The following NCAN variants were observed in gnomAD, a reference collection of about 807,000 sequenced individuals.
NCAN encodes the protein neurocan core protein.
NCAN carries 47 observed loss-of-function variants against 121.8 expected under a neutral mutation model. The ratio of observed to expected loss-of-function variants is 0.39; its 90% CI spans 0.31 to 0.49. NCAN has a LOEUF of 0.49. NCAN is among the 20% of genes least tolerant of loss of function. The pLI, the probability that NCAN is intolerant of heterozygous loss-of-function variation, is 0.92. For synonymous variants in NCAN, 633 were observed against 702.0 expected (o/e 0.90, Z 1.55); for missense variants, 1,517 against 1,773.4 (o/e 0.86, Z 2.60).
chr19:19,215,169 G>A (rs1216431763), intron 1 of NCAN, among the ~76,000 whole-genome samples: 2 of 152,216 alleles, frequency 1.3e-5, no homozygotes, highest in African/African-American at 4.8e-5. Context: ...CCCAGCAGGG[G>A]ACTCTGGGAG....
intron 10 of NCAN, among the ~76,000 whole-genome samples, chr19:19,237,221 T>TA (rs909699518): frequency 4.0e-5 from 6 of 151,472 alleles, no homozygotes; most frequent in South Asian, 2.1e-4. Flanking sequence ...CTTTTCCTTT[T>TA]AAAAAAAAAT....
chr19:19,247,749 T>C (rs1477771440), intron 13 of NCAN, among the ~76,000 whole-genome samples: 1 of 152,148 alleles, frequency 6.6e-6, no homozygotes, highest in Non-Finnish European at 1.5e-5. Flanking sequence ...TTGTGCCCTA[T>C]GTTTGGTGTA....
chr19:19,228,608 A>G lies in NCAN; in HGVS notation c.2988A>G (p.Pro996=), dbSNP rs576988148. 13 of 1,612,266 alleles carry G rather than the reference A, an allele frequency of 8.1e-6. No homozygotes were observed. In the South Asian group the frequency reaches 1.3e-4, roughly 16 times the overall value. Reference sequence around the variant, plus strand: ...CAAGTGGAGAGGAGCCAGCCCTGCCAGGGACCCCTATGAATGCAGGTGCGG... The same window carrying G: ...CAAGTGGAGAGGAGCCAGCCCTGCCGGGGACCCCTATGAATGCAGGTGCGG... ...EVASGEEPAL[P]GTPMNAGAEE... is the part of the protein sequence containing the mutation. Residue 996 remains proline, a synonymous_variant, in exon 8 of 15, where the codon CCA becomes CCG. Transcript: ENST00000252575.
intron 1 of NCAN, among the ~76,000 whole-genome samples, chr19:19,213,128 G>A (rs1401076770): frequency 6.6e-6 from 1 of 152,194 alleles, no homozygotes; most frequent in African/African-American, 2.4e-5. Flanking sequence ...CCCAGCGGGG[G>A]ACGTGGGGGC....
Position 19,232,634 on chromosome 19 carries a change from C to T in NCAN, c.3020-1155C>T, listed in dbSNP as rs139023873. On this transcript the variant is annotated intron_variant, in intron 8 of 14. Coordinates refer to ENST00000252575, the MANE Select transcript of NCAN (RefSeq NM_004386.3). ...AAATCCCCTCTCCTCTGAAAACTGACGTCCTAGAGCAACATTCTAGAACTT... is the reference window on the plus strand; with the variant it reads ...AAATCCCCTCTCCTCTGAAAACTGATGTCCTAGAGCAACATTCTAGAACTT... Among the ~76,000 whole-genome samples the T allele has an allele frequency of 8.5e-5, 13 of 152,354 alleles. No homozygotes were observed. In the East Asian group the frequency reaches 2.3e-3, roughly 27 times the overall value.
At position 19,248,611 on chromosome 19, in the gene NCAN, C is replaced by G. The variant is rs10423659; in HGVS notation, c.3638-89C>G. 2.9e-6 allele frequency: 4 copies of G among 1,361,940 alleles called. No individual in the cohort carries two copies. In the African/African-American group the frequency reaches 4.3e-5, roughly 15 times the overall value. The allele number at this position is 1,361,940 out of a possible 1,614,324, so 84.4% of individuals were successfully genotyped here. ...CTGCACTCCAGTCTGGGTGACAGAG[C>G]GAAACTCTGTCTCAAACAACAACAA... On this transcript the variant is annotated intron_variant, in intron 13 of 14. Coordinates refer to ENST00000252575, the MANE Select transcript of NCAN (RefSeq NM_004386.3).
At chr19:19,235,374 A>T (rs1322505732) in intron 10 of NCAN, among the ~76,000 whole-genome samples, 1 of 151,592 alleles carries the variant, frequency 6.6e-6, no homozygotes, top group African/African-American at 2.4e-5. Context: ...GTTTCAAGCA[A>T]TTTTCCCTGC....
intron 14 of NCAN, among the ~76,000 whole-genome samples, chr19:19,249,320 C>T (rs1327769416): frequency 6.6e-6 from 1 of 152,058 alleles, no homozygotes; most frequent in Non-Finnish European, 1.5e-5. Flanking sequence ...ATCAGCTCAC[C>T]TCAGCCTCCC....
At chr19:19,246,727 A>G (rs1264383274) in intron 13 of NCAN, among the ~76,000 whole-genome samples, 2 of 151,706 alleles carry the variant, frequency 1.3e-5, no homozygotes, top group African/African-American at 4.8e-5. Context: ...TTTTTAGTGG[A>G]GACGGGGTTT....
At chr19:19,231,083 C>T (rs1397150222) in intron 8 of NCAN, among the ~76,000 whole-genome samples, 3 of 152,000 alleles carry the variant, frequency 2.0e-5, no homozygotes, top group African/African-American at 4.8e-5. Flanking sequence ...GCAGGCCGAC[C>T]GCCCCACCCC....
chr19:19,225,296 C>G lies in NCAN; in HGVS notation c.1072+26C>G, dbSNP rs1206688584. ...GTGCGTGCGTCCCCTGGTGGCCGCG[C>G]CCCCAGGGCTTTCACTTTGGCGAAG... On this transcript the variant is annotated intron_variant, in intron 6 of 14. Coordinates refer to ENST00000252575, the MANE Select transcript of NCAN (RefSeq NM_004386.3). This position sits in a 1 kb window ranked among gnomAD's most constrained non-coding sequence, Gnocchi z 4.0. 1 of 1,495,334 alleles carries G rather than the reference C, an allele frequency of 6.7e-7. No individual in the cohort carries two copies. The highest frequency in any genetic ancestry group is 1.3e-5 in the South Asian group (1 of 75,072). The allele number at this position is 1,495,334 out of a possible 1,614,324, so 92.6% of individuals were successfully genotyped here.
At position 19,248,772 on chromosome 19, in the gene NCAN, A is replaced by G. The variant is rs750919055; in HGVS notation, c.3710A>G (p.His1237Arg). 9 of 1,614,098 alleles carry G rather than the reference A, an allele frequency of 5.6e-6. No homozygotes were observed. Among genetic ancestry groups the G allele is most frequent in the Admixed American group, 3.3e-5 (2 of 60,012 alleles). The change falls in exon 14 of 15, where the codon CAT (histidine) becomes CGT (arginine). Residue 1237 changes from histidine to arginine, a missense_variant. Physicochemically the swap from His to Arg is conservative, Grantham distance 29. Coordinates refer to ENST00000252575, the MANE Select transcript of NCAN (RefSeq NM_004386.3). ...IGARKAKYNV[H>R]ATVRYQCNEG... ...GCCCGCAAGGCCAAGTACAATGTCC[A>G]TGCCACTGTAAGGTACCAGTGCAAT...
intron 3 of NCAN, among the ~76,000 whole-genome samples, chr19:19,221,662 G>A (rs1394058868): frequency 6.6e-6 from 1 of 152,114 alleles, no homozygotes; most frequent in Non-Finnish European, 1.5e-5. Flanking sequence ...AAGGCAGGAG[G>A]ATTGCTTGAG....
At chr19:19,223,182 A>G (rs1420544822) in intron 3 of NCAN, among the ~76,000 whole-genome samples, 1 of 152,102 alleles carries the variant, frequency 6.6e-6, no homozygotes, top group Non-Finnish European at 1.5e-5. Flanking sequence ...TTGGTCTCCC[A>G]TTGCTGCCTG....
chr19:19,229,402 A>C (rs1350038948), intron 8 of NCAN, among the ~76,000 whole-genome samples: 1 of 152,116 alleles, frequency 6.6e-6, no homozygotes, highest in Admixed American at 6.5e-5. Context: ...GACCAGAGGG[A>C]GGAGGCATGG....
chr19:19,224,946 C>T (rs768793002), intron 5 of NCAN, 31 bp from the exon 6 acceptor site: 1 of 1,372,964 alleles, frequency 7.3e-7, no homozygotes, highest in South Asian at 1.7e-5. Flanking sequence ...GGTTCCCCAG[C>T]CCCCCTGACC....
Position 19,228,443 on chromosome 19 carries a change from T to C in NCAN, c.2823T>C (p.Ser941=). ...CGACTGCAGCCAGTGTGGGCGAGTC[T>C]GCCTCAGTTTCCTCAGGGGAGCCTA... ...GTPTAASVGE[S]ASVSSGEPTV... is the part of the protein sequence containing the mutation. The change falls in exon 8 of 15, where the codon TCT becomes TCC. Residue 941 remains serine (S), a synonymous_variant. Coordinates refer to ENST00000252575, the MANE Select transcript of NCAN (RefSeq NM_004386.3). The C allele has an allele frequency of 6.2e-7, 1 of 1,613,640 alleles. No homozygotes were observed.
rs201511416 is a variant in NCAN at position 19,227,372 on chromosome 19, C to T, written c.1752C>T (p.Val584=). 6.2e-7 allele frequency: 1 copy of T among 1,613,592 alleles called. No individual in the cohort carries two copies. The highest frequency in any genetic ancestry group is 8.5e-7 in the Non-Finnish European group (1 of 1,179,932). The change falls in exon 8 of 15, where the codon GTC becomes GTT. Residue 584 remains valine (V), a synonymous_variant. Coordinates refer to ENST00000252575, the MANE Select transcript of NCAN (RefSeq NM_004386.3). The surrounding 1 kb of genome is among the most constrained non-coding windows in gnomAD (Gnocchi z 4.2). The part of the protein sequence containing the change: ...PSISGHSRAP[V]LELEKAEGPS... ...TCTCAGGCCACAGCAGGGCCCCTGT[C>T]CTGGAGCTAGAGAAAGCCGAGGGCC...
intron 13 of NCAN, among the ~76,000 whole-genome samples, chr19:19,247,059 A>T (rs907729220): frequency 2.0e-5 from 3 of 151,732 alleles, no homozygotes; most frequent in African/African-American, 7.3e-5. Context: ...CAATTTTCAC[A>T]TCCTCCCCCC....
Sources: gnomAD v4.1 joint callset for allele counts (sites outside exome capture counted in the v4.1 genomes callset) on GRCh38, gnomAD v4.1.1 for gene constraint, Gnocchi (gnomAD v3.1) non-coding constraint, MANE v1.5 for transcripts, NCBI Gene and HGNC (gene_info 2026-07-23, HGNC 2026-07-21) for gene names.